KCNIP4: variants seen among roughly 807,000 people sequenced by gnomAD.
KCNIP4 encodes the protein Kv channel-interacting protein 4.
In KCNIP4, 12 loss-of-function variants were observed where a neutral mutation model predicts 34.0. That is an observed-to-expected ratio of 0.35 (90% CI 0.23 to 0.57). The LOEUF (loss-of-function observed/expected upper bound fraction) is 0.57. KCNIP4 is among the 20% of genes least tolerant of loss of function. The pLI is 0.83. For missense variants in KCNIP4, 238 were observed against 311.7 expected (o/e 0.76, Z 1.78); for synonymous variants, 124 against 102.2 (o/e 1.21, Z -1.29).
At chr4:21,146,309 A>T (rs2109227921) in intron 1 of KCNIP4, among the ~76,000 whole-genome samples, 1 of 152,258 alleles carries the variant, frequency 6.6e-6, no homozygotes, top group African/African-American at 2.4e-5. Flanking sequence ...GAGGCAGGAG[A>T]ATGGGGTGAA....
At chr4:21,470,949 G>T (rs575594976) in intron 1 of KCNIP4, among the ~76,000 whole-genome samples, 14 of 152,130 alleles carry the variant, frequency 9.2e-5, no homozygotes, top group Non-Finnish European at 2.1e-4. Flanking sequence ...GGTAGAGGGG[G>T]TCTCAAAATA....
At chr4:21,464,689 T>C (rs752134399) in intron 1 of KCNIP4, 1 of 152,118 alleles carries the variant, frequency 6.6e-6, no homozygotes, top group Non-Finnish European at 1.5e-5. Context: ...CTAGTTGGTG[T>C]CTATCACATC....
At chr4:21,690,036 G>A (rs531767642) in intron 1 of KCNIP4, among the ~76,000 whole-genome samples, 3 of 150,720 alleles carry the variant, frequency 2.0e-5, no homozygotes, top group Non-Finnish European at 4.4e-5. Context: ...ATATTTTGTA[G>A]GGACTTGCTA....
intron 1 of KCNIP4, among the ~76,000 whole-genome samples, chr4:21,221,767 A>G (rs1757998703): frequency 6.6e-6 from 1 of 152,216 alleles, no homozygotes; most frequent in Admixed American, 6.5e-5. Context: ...AAGAGAAGGT[A>G]TGCATTTCAG....
At chr4:21,798,930 T>C (rs1228164722) in intron 1 of KCNIP4, among the ~76,000 whole-genome samples, 1 of 152,176 alleles carries the variant, frequency 6.6e-6, no homozygotes, top group African/African-American at 2.4e-5. Context: ...ATAAAATTCA[T>C]TTCCAATCTT....
intron 1 of KCNIP4, among the ~76,000 whole-genome samples, chr4:21,513,859 T>C (rs1263111118): frequency 2.0e-5 from 3 of 152,214 alleles, no homozygotes; most frequent in Non-Finnish European, 1.5e-5. Context: ...GTCCACTCTG[T>C]TGGGTCTATG....
intron 1 of KCNIP4, among the ~76,000 whole-genome samples, chr4:21,910,102 C>T (rs1304381513): frequency 6.6e-6 from 1 of 152,018 alleles, no homozygotes; most frequent in Non-Finnish European, 1.5e-5. Flanking sequence ...GGGGAGGGCA[C>T]AGAGCTCATA....
rs183251209 is a variant in KCNIP4, at chr4:21,647,501, T to G, written c.61+301070A>C. Among the ~76,000 whole-genome samples the G allele has an allele frequency of 3.8e-3, 579 of 152,270 alleles. 3 individuals are homozygous for G. The highest frequency in any genetic ancestry group is 7.3e-3 in the Non-Finnish European group (497 of 68,028). On this transcript the variant is annotated intron_variant, in intron 1 of 8. Coordinates refer to ENST00000382152, the MANE Select transcript of KCNIP4 (RefSeq NM_025221.6). ...CACAATAATCCTCATTTTATTCCAT[T>G]TTCTGAAAAAGACCTACTCCTACAG...
intron 2 of KCNIP4, among the ~76,000 whole-genome samples, chr4:20,861,507 C>T (rs533730209): frequency 1.3e-5 from 2 of 152,080 alleles, no homozygotes; most frequent in African/African-American, 2.4e-5. Context: ...TAGTTTGACA[C>T]GTATTTCTGC....
intron 1 of KCNIP4, among the ~76,000 whole-genome samples, chr4:21,455,483 G>A (rs536277011): frequency 2.0e-5 from 3 of 151,968 alleles, no homozygotes; most frequent in South Asian, 2.1e-4. Flanking sequence ...CAACTAAAAC[G>A]TGACTGACAT....
intron 1 of KCNIP4, among the ~76,000 whole-genome samples, chr4:21,363,690 A>G (rs1719451072): frequency 6.6e-6 from 1 of 152,170 alleles, no homozygotes. Context: ...TTTGACTATC[A>G]TCACTATCAG....
intron 1 of KCNIP4, among the ~76,000 whole-genome samples, chr4:21,278,744 C>G (rs778673920): frequency 4.7e-4 from 71 of 150,388 alleles, no homozygotes; most frequent in Non-Finnish European, 9.8e-4. Context: ...GAGAGATGTC[C>G]CCAAGGGCAG....
intron 1 of KCNIP4, among the ~76,000 whole-genome samples, chr4:20,933,979 G>A (rs1730772457): frequency 1.3e-5 from 2 of 152,124 alleles, no homozygotes; most frequent in Non-Finnish European, 2.9e-5. Flanking sequence ...GTGCATTGAA[G>A]TGAAAAAAGG....
At position 21,752,602 on chromosome 4, in the gene KCNIP4, G is replaced by A. The variant is rs963390537; in HGVS notation, c.61+195969C>T. Among the ~76,000 whole-genome samples the A allele has an allele frequency of 4.6e-5, 7 of 152,264 alleles. 1 individual carries two copies. Among genetic ancestry groups the A allele is most frequent in the Admixed American group, 1.3e-4 (2 of 15,288 alleles). On this transcript the variant is annotated intron_variant, in intron 1 of 8. Transcript: ENST00000382152. ...ACTAGAGGAAGAAAAAAAAGGGAGG[G>A]ATGGAAGACAAAGAAAAATTCTATT...
intron 1 of KCNIP4, among the ~76,000 whole-genome samples, chr4:21,512,565 T>C (rs1249536643): frequency 6.6e-6 from 1 of 151,996 alleles, no homozygotes; most frequent in African/African-American, 2.4e-5. Context: ...ACTTAAGAAG[T>C]GGAAAAAGTC....
In KCNIP4 at chr4:20,759,119, AG is replaced by A. The variant is rs1754731846; in HGVS notation, c.289-230del. 6.6e-5 allele frequency among the ~76,000 whole-genome samples: 10 copies of A among 152,342 alleles called. No individual in the cohort carries two copies. In the South Asian group the frequency reaches 2.1e-3, roughly 32 times the overall value. On this transcript the variant is annotated intron_variant, in intron 3 of 8. Transcript: ENST00000382152. ...ATCTTTGCATATTGAGTATCAAAGT[AG>A]GTGTAATGTATTCAGAAACACAGTG...
rs186209897 is a variant in KCNIP4 at position 21,364,574 on chromosome 4, A to T, written c.62-481865T>A. Among the ~76,000 whole-genome samples the T allele has an allele frequency of 5.3e-5, 8 of 152,196 alleles. No individual in the cohort carries two copies. In the East Asian group the frequency reaches 1.5e-3, roughly 29 times the overall value. On this transcript the variant is annotated intron_variant, in intron 1 of 8. Transcript: ENST00000382152. Reference sequence around the variant, plus strand: ...ACCTCAGTTAGGATAGTATCTCATGATAATTTTTTTTTCTTTTTACAATAT... The same window carrying T: ...ACCTCAGTTAGGATAGTATCTCATGTTAATTTTTTTTTCTTTTTACAATAT...
intron 1 of KCNIP4, among the ~76,000 whole-genome samples, chr4:21,947,264 T>C (rs1730559978): frequency 6.6e-6 from 1 of 152,210 alleles, no homozygotes; most frequent in African/African-American, 2.4e-5. Context: ...CTCTTAAAGA[T>C]TGTAAGCATT....
At chr4:21,700,698 T>C (rs561271538) in intron 1 of KCNIP4, among the ~76,000 whole-genome samples, 1 of 152,236 alleles carries the variant, frequency 6.6e-6, no homozygotes, top group South Asian at 2.1e-4. Flanking sequence ...GAAGCTTTTC[T>C]CCTATATTTC....
Sources: gnomAD v4.1 joint callset for allele counts (sites outside exome capture counted in the v4.1 genomes callset) on GRCh38, gnomAD v4.1.1 for gene constraint, MANE v1.5 for transcripts, NCBI Gene and HGNC (gene_info 2026-07-23, HGNC 2026-07-21) for gene names.